LOXL2: variants seen among roughly 807,000 people sequenced by gnomAD.
The protein encoded by LOXL2 is lysyl oxidase like 2, also known as lysyl oxidase homolog 2.
LOXL2 carries 70 observed loss-of-function variants against 93.0 expected under a neutral mutation model. The ratio of observed to expected loss-of-function variants is 0.75; its 90% CI spans 0.62 to 0.92. The LOEUF (loss-of-function observed/expected upper bound fraction) is 0.92. Ranked by LOEUF, LOXL2 falls within the 40% of genes least tolerant of loss-of-function variation. The pLI is 0.00. For missense variants in LOXL2, 973 were observed against 1,054.9 expected, an observed-to-expected ratio of 0.92 and a Z score of 1.08; for synonymous variants, 438 against 413.2, an observed-to-expected ratio of 1.06 and a Z score of -0.73.
At chr8:23,309,415 AGT>A (rs1803286180) in intron 10 of LOXL2, among the ~76,000 whole-genome samples, 1 of 152,212 alleles carries the variant, frequency 6.6e-6, no homozygotes, top group Non-Finnish European at 1.5e-5. Flanking sequence ...CTCAAAACAA[AGT>A]GTGTTTCCTG....
At chr8:23,311,698 C>T (rs1236113466) in intron 9 of LOXL2, among the ~76,000 whole-genome samples, 2 of 152,068 alleles carry the variant, frequency 1.3e-5, no homozygotes, top group African/African-American at 2.4e-5. Flanking sequence ...ACCCATGGCT[C>T]GAGTATTACG....
chr8:23,319,303 C>T (rs1803455229), intron 8 of LOXL2, among the ~76,000 whole-genome samples: 1 of 151,950 alleles, frequency 6.6e-6, no homozygotes, highest in East Asian at 1.9e-4. Context: ...GGAACTAGGA[C>T]CAGAGCTCAG....
rs986438028 is a variant in LOXL2, at chr8:23,357,750, C to T, written c.531+2340G>A. 7.9e-5 allele frequency among the ~76,000 whole-genome samples: 12 copies of T among 151,926 alleles called. No individual in the cohort carries two copies. The East Asian group carries it at 2.3e-3, about 29-fold the overall frequency. On this transcript the variant is annotated intron_variant, in intron 3 of 13. Coordinates refer to ENST00000389131, the MANE Select transcript of LOXL2 (RefSeq NM_002318.3). ...AGATTATCCTGAGGTTCAGGTTGAA[C>T]AGAGGCCCATCTAAGATGTTACAAA...
At chr8:23,341,480 TCTC>T in intron 3 of LOXL2, 1 of 503,820 alleles carries the variant, frequency 2.0e-6, no homozygotes, top group South Asian at 2.2e-5. Context: ...CCCATGGGCT[TCTC>T]CTACATCCGA....
rs74666621 is a variant in LOXL2, at chr8:23,317,592, A to G, written c.1471-478T>C. Among the ~76,000 whole-genome samples the G allele has an allele frequency of 7.7e-3, 1,175 of 152,340 alleles. 18 individuals carry two copies. Among genetic ancestry groups the G allele is most frequent in the African/African-American group, 0.027 (1,122 of 41,576 alleles). On this transcript the variant is annotated intron_variant, in intron 8 of 13. Transcript: ENST00000389131. ...AGAAATCTATTTGCATAGGTCAATC[A>G]TTAGACATGTTATAAAGACGAACTT...
chr8:23,398,753 G>C (rs1800124548), intron 1 of LOXL2, among the ~76,000 whole-genome samples: 1 of 152,040 alleles, frequency 6.6e-6, no homozygotes, highest in African/African-American at 2.4e-5. Context: ...TTGACCTCCT[G>C]GGCTCAAGCA....
chr8:23,399,114 C>T (rs1357495032), intron 1 of LOXL2, among the ~76,000 whole-genome samples: 1 of 152,232 alleles, frequency 6.6e-6, no homozygotes, highest in Non-Finnish European at 1.5e-5. Context: ...CTTTTCTAGC[C>T]TGCAACTGCT....
At position 23,374,182 on chromosome 8, in the gene LOXL2, G is replaced by A. The variant is rs377160267; in HGVS notation, c.-83-5748C>T. Among the ~76,000 whole-genome samples the A allele has an allele frequency of 3.8e-4, 54 of 141,152 alleles. No homozygotes were observed. The South Asian group carries it at 8.2e-3, about 21-fold the overall frequency. 92.6% of individuals were successfully genotyped at this position (141,152 alleles called of 152,430 possible). A position where few individuals can be genotyped will look rare whatever the true frequency, so the allele number is the denominator to read the frequency against. On this transcript the variant is annotated intron_variant, in intron 1 of 13. Coordinates refer to ENST00000389131, the MANE Select transcript of LOXL2 (RefSeq NM_002318.3). ...TTCTCATTGTTCAATTCCCACCTAT[G>A]AGTGACAACATGTGGTGTTTGGTTT...
At position 23,313,975 on chromosome 8, in the gene LOXL2, G is replaced by A. The variant is rs1803354153; in HGVS notation, c.1636+2974C>T. Among the ~76,000 whole-genome samples the A allele has an allele frequency of 1.9e-5, 2 of 104,978 alleles. 1 individual carries two copies. The highest frequency in any genetic ancestry group is 4.2e-5 in the Non-Finnish European group (2 of 48,070). 68.9% of individuals were successfully genotyped at this position (104,978 alleles called of 152,430 possible). A position where few individuals can be genotyped will look rare whatever the true frequency, so the allele number is the denominator to read the frequency against. On this transcript the variant is annotated intron_variant, in intron 9 of 13. Transcript: ENST00000389131. ...GAAAAAAACAACCCCATCAAAAAGT[G>A]GGCGAAGGATATGAACAGACACTTC... is the stretch of plus-strand genomic sequence containing the variant.
intron 3 of LOXL2, among the ~76,000 whole-genome samples, chr8:23,350,925 C>G (rs1804082286): frequency 6.6e-6 from 1 of 152,148 alleles, no homozygotes; most frequent in African/African-American, 2.4e-5. Flanking sequence ...AACAACCAGC[C>G]CCTGTGACCC....
chr8:23,394,469 G>A (rs1800062326), intron 1 of LOXL2, among the ~76,000 whole-genome samples: 1 of 146,522 alleles, frequency 6.8e-6, no homozygotes, highest in African/African-American at 2.5e-5. Context: ...CTTCCCCAAA[G>A]AAGATATACA....
intron 1 of LOXL2, among the ~76,000 whole-genome samples, chr8:23,383,058 C>A (rs751346194): frequency 6.6e-6 from 1 of 152,132 alleles, no homozygotes; most frequent in Non-Finnish European, 1.5e-5. Context: ...CTCTCCGTAG[C>A]GGTTTTAAAC....
At chr8:23,398,946 G>A (rs1563212460) in intron 1 of LOXL2, among the ~76,000 whole-genome samples, 2 of 152,172 alleles carry the variant, frequency 1.3e-5, no homozygotes, top group Non-Finnish European at 2.9e-5. Context: ...GCTCCCTGCT[G>A]AGCAAGCACT....
At chr8:23,320,304 C>T (rs888155906) in intron 7 of LOXL2, among the ~76,000 whole-genome samples, 5 of 152,354 alleles carry the variant, frequency 3.3e-5, no homozygotes, top group African/African-American at 1.2e-4. Flanking sequence ...ACAGCAGAAG[C>T]TGACCCTGCT....
At chr8:23,325,291 C>G (rs1337480227) in intron 6 of LOXL2, among the ~76,000 whole-genome samples, 1 of 151,930 alleles carries the variant, frequency 6.6e-6, no homozygotes, top group Non-Finnish European at 1.5e-5. Flanking sequence ...GGTTCCGGTT[C>G]TATTTGTTTT....
At position 23,360,172 on chromosome 8, in the gene LOXL2, T is replaced by A; in HGVS notation, c.449A>T (p.His150Leu). Residue 150 changes from histidine (H) to leucine (L), a missense_variant, in exon 3 of 14, where the codon CAC becomes CTC. Physicochemically the swap from His to Leu is moderately conservative, Grantham distance 99. Transcript: ENST00000389131. The part of the protein sequence containing the change: ...SNGWGVTDCK[H>L]TEDVGVVCSD... ...GCACACCACACCGACATCCTCCGTG[T>A]GCTTGCAGTCAGTGACGCCCCAGCC... 6.2e-7 allele frequency: 1 copy of A among 1,614,146 alleles called. No individual in the cohort carries two copies. Among genetic ancestry groups the A allele is most frequent in the Non-Finnish European group, 8.5e-7 (1 of 1,179,976 alleles).
chr8:23,397,204 G>C (rs930021015), intron 1 of LOXL2, among the ~76,000 whole-genome samples: 4 of 145,668 alleles, frequency 2.7e-5, no homozygotes, highest in East Asian at 4.2e-4. Flanking sequence ...TTGGTCGGAG[G>C]GGGAGAGTGG....
In LOXL2 at chr8:23,298,034, C is replaced by CA; in HGVS notation, c.*8dup. ...GGCCTGAAGACAGGAGTTGACCACGCAGGCTTCTTTACTGCGGGGACAGCT... is the reference window on the plus strand; with the variant it reads ...GGCCTGAAGACAGGAGTTGACCACGCAAGGCTTCTTTACTGCGGGGACAGCT... On this transcript the variant is annotated 3_prime_UTR_variant, in exon 14 of 14. Coordinates refer to ENST00000389131, the MANE Select transcript of LOXL2 (RefSeq NM_002318.3). 1 of 1,612,644 alleles carries CA rather than the reference C, an allele frequency of 6.2e-7. No homozygotes were observed. Among genetic ancestry groups the CA allele is most frequent in the South Asian group, 1.1e-5 (1 of 90,852 alleles).
chr8:23,394,248 T>C (rs4541932), intron 1 of LOXL2, among the ~76,000 whole-genome samples: 110,135 of 151,674 alleles, frequency 0.73, 40,926 homozygotes, highest in African/African-American at 0.88. Flanking sequence ...CAAAAATTAG[T>C]CAGATACGGT....
Sources: allele counts gnomAD v4.1 joint callset (sites outside exome capture counted in the v4.1 genomes callset), GRCh38; gene constraint gnomAD v4.1.1; transcripts MANE v1.5; gene names NCBI Gene and HGNC (gene_info 2026-07-23, HGNC 2026-07-21).